The following SAMD5 variants were observed in gnomAD, a reference collection of about 807,000 sequenced individuals.
SAMD5 encodes sterile alpha motif domain containing 5.
A neutral mutation model predicts 11.3 loss-of-function variants in SAMD5; 13 were observed. That is an observed-to-expected ratio of 1.15 (90% confidence interval 0.75 to 1.83). The LOEUF (loss-of-function observed/expected upper bound fraction) is 1.83, where lower values mean the gene tolerates loss of function less well. Among genes scored for constraint, SAMD5 ranks in the 40% most tolerant of loss-of-function variants. The pLI is 0.00. For missense variants in SAMD5, 255 were observed against 239.1 expected (o/e 1.07, Z -0.44); for synonymous variants, 129 against 111.3 (o/e 1.16, Z -1.00).
At chr6:147,632,550 TA>T (rs1308185822) in intron 1 of SAMD5, among the ~76,000 whole-genome samples, 1 of 152,094 alleles carries the variant, frequency 6.6e-6, no homozygotes, top group Non-Finnish European at 1.5e-5. Flanking sequence ...TGAGGGCCTC[TA>T]AAAGTATTAA....
At chr6:147,816,293 A>ATATAT in the SAMD5 span, among the ~76,000 whole-genome samples, 3 of 91,578 alleles carry the variant, frequency 3.3e-5, no homozygotes, top group African/African-American at 1.7e-4. Context: ...AAAAAAAAAA[A>ATATAT]AAAAAAAAAT....
chr6:147,820,841 C>T, the SAMD5 span, among the ~76,000 whole-genome samples: 2 of 152,156 alleles, frequency 1.3e-5, no homozygotes, highest in African/African-American at 4.8e-5. Flanking sequence ...AATGGGCTCG[C>T]TCTGTGGCCA....
At chr6:147,751,114 A>G in the SAMD5 span, among the ~76,000 whole-genome samples, 2 of 152,074 alleles carry the variant, frequency 1.3e-5, no homozygotes, top group Non-Finnish European at 2.9e-5. Flanking sequence ...GACTTGTCCC[A>G]TCTCAGGGCC....
chr6:147,877,585 G>A, the SAMD5 span, among the ~76,000 whole-genome samples: 3 of 152,120 alleles, frequency 2.0e-5, no homozygotes, highest in Non-Finnish European at 4.4e-5. Flanking sequence ...CAGTCTAGGT[G>A]TTTCCGTAAA....
At chr6:147,594,433 A>T (rs1305241803) in intron 1 of SAMD5, among the ~76,000 whole-genome samples, 1 of 152,154 alleles carries the variant, frequency 6.6e-6, no homozygotes, top group East Asian at 1.9e-4. Flanking sequence ...GGATAATGTC[A>T]TTGATTTTAA....
intron 1 of SAMD5, among the ~76,000 whole-genome samples, chr6:147,557,416 C>G (rs1249260564): frequency 1.3e-5 from 2 of 152,156 alleles, no homozygotes; most frequent in African/African-American, 4.8e-5. Context: ...AGTCTGAAAT[C>G]AACGTGTCAG....
the SAMD5 span, among the ~76,000 whole-genome samples, chr6:147,756,463 G>T: frequency 6.6e-6 from 1 of 152,084 alleles, no homozygotes; most frequent in Non-Finnish European, 1.5e-5. Flanking sequence ...TTAAAAAGTG[G>T]TTTTTAAGGT....
chr6:147,660,131 C>A (rs980532140), intron 1 of SAMD5, among the ~76,000 whole-genome samples: 1 of 152,134 alleles, frequency 6.6e-6, no homozygotes, highest in Non-Finnish European at 1.5e-5. Flanking sequence ...TAGAAGTCGG[C>A]CTGTCCTTAT....
At chr6:147,880,364 C>T in the SAMD5 span, among the ~76,000 whole-genome samples, 1 of 152,134 alleles carries the variant, frequency 6.6e-6, no homozygotes, top group Non-Finnish European at 1.5e-5. Flanking sequence ...CTCTTGCACA[C>T]ACACACACAG....
intron 1 of SAMD5, among the ~76,000 whole-genome samples, chr6:147,526,771 G>A (rs553700407): frequency 2.2e-4 from 33 of 152,338 alleles, no homozygotes; most frequent in Admixed American, 3.9e-4. Flanking sequence ...ACAAAAGTGC[G>A]AGGTTTGGAT....
At position 147,556,031 on chromosome 6, in the gene SAMD5, AAT is replaced by A. The variant is rs377486911; in HGVS notation, c.460-8358_460-8357del. ...TGCCATTCTTCTTAATTTTGGGGAG[AAT>A]ATATGTTTATTTTTCACAAAAATAT... On this transcript the variant is annotated intron_variant, in intron 1 of 1. Transcript: ENST00000367474. Among the ~76,000 whole-genome samples, 116 of 152,240 alleles carry A rather than the reference AAT, an allele frequency of 7.6e-4. 1 individual carries two copies. The highest frequency in any genetic ancestry group is 2.6e-3 in the African/African-American group (110 of 41,544).
At chr6:147,716,993 C>A (rs937606262) in intron 1 of SAMD5, among the ~76,000 whole-genome samples, 2 of 152,190 alleles carry the variant, frequency 1.3e-5, no homozygotes, top group African/African-American at 4.8e-5. Context: ...CTCCATACAT[C>A]TCTCCATAAT....
At chr6:147,773,589 T>C in the SAMD5 span, among the ~76,000 whole-genome samples, 2 of 152,186 alleles carry the variant, frequency 1.3e-5, no homozygotes, top group African/African-American at 2.4e-5. Context: ...GATAGCTGTC[T>C]TCGTTTTGTG....
the SAMD5 span, among the ~76,000 whole-genome samples, chr6:147,911,415 A>G: frequency 3.1e-4 from 47 of 152,306 alleles, no homozygotes; most frequent in African/African-American, 1.1e-3. Flanking sequence ...GAAACTGAAG[A>G]TTCGGCTCCT....
chr6:147,698,708 C>T (rs1480899014), intron 1 of SAMD5, among the ~76,000 whole-genome samples: 2 of 152,274 alleles, frequency 1.3e-5, no homozygotes, highest in East Asian at 3.9e-4. Context: ...GATAAAGCCC[C>T]TTGTACTTGC....
chr6:147,649,638 A>G (rs1790454260), intron 1 of SAMD5, among the ~76,000 whole-genome samples: 1 of 152,286 alleles, frequency 6.6e-6, no homozygotes, highest in Non-Finnish European at 1.5e-5. Flanking sequence ...CAAAAATACA[A>G]AAATTAGCCA....
intron 1 of SAMD5, among the ~76,000 whole-genome samples, chr6:147,587,699 A>G (rs1429268068): frequency 6.6e-6 from 1 of 152,168 alleles, no homozygotes; most frequent in East Asian, 1.9e-4. Flanking sequence ...TGGTGAATTT[A>G]CTATAGAGTT....
chr6:147,725,268 T>C (rs1791608952), intron 1 of SAMD5, among the ~76,000 whole-genome samples: 1 of 152,160 alleles, frequency 6.6e-6, no homozygotes, highest in African/African-American at 2.4e-5. Context: ...AGCTGATTGA[T>C]GGTTGTTATC....
the SAMD5 span, among the ~76,000 whole-genome samples, chr6:147,932,235 C>A: frequency 3.9e-5 from 6 of 152,066 alleles, no homozygotes; most frequent in Non-Finnish European, 2.9e-5. Flanking sequence ...AGACCTGCAA[C>A]AAAATATGTC....
Sources: gnomAD v4.1 joint callset for allele counts (sites outside exome capture counted in the v4.1 genomes callset) on GRCh38, gnomAD v4.1.1 for gene constraint, MANE v1.5 for transcripts, NCBI Gene and HGNC (gene_info 2026-07-23, HGNC 2026-07-21) for gene names.